CYRIA: variants seen among roughly 807,000 people sequenced by gnomAD.
CYRIA encodes CYFIP-related Rac1 interactor A.
In CYRIA, 15 loss-of-function variants were observed where a neutral mutation model predicts 43.9. The observed-to-expected ratio is 0.34, with a 90% CI of 0.23 to 0.53. The LOEUF is 0.53. Among genes scored for constraint, CYRIA ranks in the 20% least tolerant of loss-of-function variants. The pLI is 0.94. For synonymous variants in CYRIA, 117 were observed against 136.0 expected (o/e 0.86, Z 0.97); for missense variants, 236 against 394.2 (o/e 0.60, Z 3.40).
chr2:16,637,993 T>C (rs1276950750), intron 1 of CYRIA, among the ~76,000 whole-genome samples: 1 of 152,162 alleles, frequency 6.6e-6, no homozygotes, highest in Non-Finnish European at 1.5e-5. Flanking sequence ...TTAACATGTC[T>C]GCTAAGTGTG....
intron 1 of CYRIA, among the ~76,000 whole-genome samples, chr2:16,665,319 A>G (rs11673779): frequency 0.38 from 57,530 of 151,814 alleles, 14,152 homozygotes; most frequent in African/African-American, 0.7. Flanking sequence ...GCAGGTGGCA[A>G]CAGAAGGGTC....
chr2:16,650,624 A>G lies in CYRIA; in HGVS notation c.-167+15156T>C, dbSNP rs1243845461. Among the ~76,000 whole-genome samples, 1 of 152,224 alleles carries G rather than the reference A, an allele frequency of 6.6e-6. No homozygotes were observed. The highest frequency in any genetic ancestry group is 1.5e-5 in the Non-Finnish European group (1 of 68,034). On this transcript the variant is annotated intron_variant, in intron 1 of 11. Coordinates refer to ENST00000381323, the MANE Select transcript of CYRIA (RefSeq NM_030797.4). The surrounding 1 kb of genome is among the most constrained non-coding windows in gnomAD (Gnocchi z 4.1). ...ACCCTAAACATCTCAGAGAGACTGG[A>G]TGCTCCTCTCTGGCCATGGAAAGGC...
chr2:16,602,864 G>A (rs1316760240), intron 2 of CYRIA, among the ~76,000 whole-genome samples: 1 of 151,994 alleles, frequency 6.6e-6, no homozygotes, highest in Non-Finnish European at 1.5e-5. Flanking sequence ...CCCTAATAAG[G>A]ACACCCTCGC....
At chr2:16,558,409 T>G (rs1666606064) in intron 10 of CYRIA, among the ~76,000 whole-genome samples, 1 of 152,166 alleles carries the variant, frequency 6.6e-6, no homozygotes, top group Non-Finnish European at 1.5e-5. Context: ...GACTTTCTCT[T>G]GCATAGGGCC....
At chr2:16,567,501 C>T (rs977036084) in intron 3 of CYRIA, among the ~76,000 whole-genome samples, 9 of 152,110 alleles carry the variant, frequency 5.9e-5, no homozygotes, top group African/African-American at 2.2e-4. Context: ...GCTATGCTGA[C>T]TTGGTGTTCA....
chr2:16,588,798 A>G (rs1329284547), intron 2 of CYRIA, among the ~76,000 whole-genome samples: 1 of 152,156 alleles, frequency 6.6e-6, no homozygotes, highest in Admixed American at 6.5e-5. Context: ...TTGTGATCTG[A>G]CATTCCAATG....
intron 3 of CYRIA, among the ~76,000 whole-genome samples, chr2:16,579,249 G>T (rs1430144776): frequency 6.6e-6 from 1 of 152,030 alleles, no homozygotes; most frequent in East Asian, 1.9e-4. Flanking sequence ...AAAGCTCAAA[G>T]AATTTGTTTC....
At chr2:16,632,202 T>A (rs539768911) in intron 1 of CYRIA, among the ~76,000 whole-genome samples, 1 of 152,354 alleles carries the variant, frequency 6.6e-6, no homozygotes, top group African/African-American at 2.4e-5. Flanking sequence ...CTGAACAGTC[T>A]TGGGACTCTC....
At chr2:16,565,557 T>C (rs1666898350) in intron 4 of CYRIA, 89 bp downstream of exon 4, 3 of 1,348,440 alleles carry the variant, frequency 2.2e-6, no homozygotes, top group Non-Finnish European at 2.9e-6. Flanking sequence ...CTGTAGCTAT[T>C]ACTTAATCTT....
intron 2 of CYRIA, among the ~76,000 whole-genome samples, chr2:16,621,071 T>C (rs1230585061): frequency 6.6e-6 from 1 of 152,194 alleles, no homozygotes; most frequent in Non-Finnish European, 1.5e-5. Context: ...CGTCTCCTGG[T>C]AAAACCAGAA....
chr2:16,615,800 G>C (rs1463351003), intron 2 of CYRIA, among the ~76,000 whole-genome samples: 1 of 152,198 alleles, frequency 6.6e-6, no homozygotes, highest in African/African-American at 2.4e-5. Context: ...TGTAACATTC[G>C]GTGGCTCAGT....
intron 1 of CYRIA, among the ~76,000 whole-genome samples, chr2:16,626,081 T>C (rs75854586): frequency 7.8e-4 from 119 of 152,176 alleles, no homozygotes; most frequent in African/African-American, 2.7e-3. Flanking sequence ...CAACTCCAAA[T>C]GCACATTGTA....
chr2:16,626,651 C>A (rs1669176460), intron 1 of CYRIA, among the ~76,000 whole-genome samples: 1 of 152,202 alleles, frequency 6.6e-6, no homozygotes, highest in Admixed American at 6.5e-5. Flanking sequence ...GTGTGAGTCA[C>A]CCCGGGGCCA....
intron 1 of CYRIA, among the ~76,000 whole-genome samples, chr2:16,661,567 A>T (rs1043781435): frequency 2.0e-5 from 3 of 152,234 alleles, no homozygotes; most frequent in Admixed American, 1.3e-4. Context: ...TATAGAAATA[A>T]CATCCCAGCC....
In CYRIA at chr2:16,555,551, T is replaced by G. The variant is rs558647585; in HGVS notation, c.838-412A>C. On this transcript the variant is annotated intron_variant, in intron 10 of 11. Coordinates refer to ENST00000381323, the MANE Select transcript of CYRIA (RefSeq NM_030797.4). ...TGAGATTTACTGAATAAAATCTGAA[T>G]AATTTTATGCCATTCTTCTGCCCTG... 2.6e-5 allele frequency among the ~76,000 whole-genome samples: 4 copies of G among 152,246 alleles called. No individual in the cohort carries two copies. In the East Asian group the frequency reaches 7.7e-4, roughly 29 times the overall value.
At chr2:16,585,764 C>T (rs1667706893) in intron 3 of CYRIA, among the ~76,000 whole-genome samples, 3 of 152,098 alleles carry the variant, frequency 2.0e-5, no homozygotes, top group South Asian at 4.1e-4. Flanking sequence ...AAGCAGAGTA[C>T]TCTGGTAGTA....
chr2:16,600,294 C>T (rs1668159890), intron 2 of CYRIA, among the ~76,000 whole-genome samples: 2 of 152,336 alleles, frequency 1.3e-5, no homozygotes, highest in Non-Finnish European at 2.9e-5. Flanking sequence ...GCTTTATCTT[C>T]CTCAACACTG....
intron 1 of CYRIA, among the ~76,000 whole-genome samples, chr2:16,635,078 AC>A (rs1669453917): frequency 6.6e-6 from 1 of 152,182 alleles, no homozygotes; most frequent in Admixed American, 6.5e-5. Context: ...ACTGTAAAGG[AC>A]ATAAAGAGCA....
At chr2:16,630,071 C>T (rs1669284222) in intron 1 of CYRIA, among the ~76,000 whole-genome samples, 1 of 152,114 alleles carries the variant, frequency 6.6e-6, no homozygotes, top group South Asian at 2.1e-4. Flanking sequence ...AGATACCAAC[C>T]CTTATTCACT....
Sources: allele counts gnomAD v4.1 joint callset (sites outside exome capture counted in the v4.1 genomes callset), GRCh38; gene constraint gnomAD v4.1.1; non-coding constraint Gnocchi (gnomAD v3.1); transcripts MANE v1.5; gene names NCBI Gene and HGNC (gene_info 2026-07-23, HGNC 2026-07-21).